TLL1: variants seen among roughly 807,000 people sequenced by gnomAD.
The protein encoded by TLL1 is tolloid-like protein 1.
TLL1 carries 49 observed loss-of-function variants against 128.2 expected under a neutral mutation model. The observed-to-expected ratio is 0.38, with a 90% CI of 0.30 to 0.48. The LOEUF (loss-of-function observed/expected upper bound fraction) is 0.48, where lower values mean the gene tolerates loss of function less well. Among genes scored for constraint, TLL1 ranks in the 20% least tolerant of loss-of-function variants. The pLI, the probability that TLL1 is intolerant of heterozygous loss-of-function variation, is 0.96. For synonymous variants in TLL1, 454 were observed against 418.8 expected (o/e 1.08, Z -1.03); for missense variants, 1,123 against 1,242.0 (o/e 0.90, Z 1.44).
intron 14 of TLL1, 55 bp downstream of exon 14, chr4:166,057,364 A>T: frequency 6.3e-7 from 1 of 1,596,752 alleles, no homozygotes; most frequent in Non-Finnish European, 8.5e-7. Flanking sequence ...TATTTCTTAT[A>T]TTCTCATTCT....
intron 1 of TLL1, among the ~76,000 whole-genome samples, chr4:165,942,939 T>C (rs564914879): frequency 2.6e-5 from 4 of 152,188 alleles, no homozygotes; most frequent in South Asian, 2.1e-4. Context: ...TTTATTTTCA[T>C]GTCAGATATT....
intron 1 of TLL1, among the ~76,000 whole-genome samples, chr4:165,936,340 C>T (rs1333569067): frequency 6.6e-6 from 1 of 151,040 alleles, no homozygotes; most frequent in Non-Finnish European, 1.5e-5. Context: ...CTGCCTCAGC[C>T]TCCCAAGTAG....
chr4:165,875,375 G>T (rs1214306984), intron 1 of TLL1, among the ~76,000 whole-genome samples: 1 of 152,098 alleles, frequency 6.6e-6, no homozygotes. Context: ...CTGACAAAAA[G>T]GGTATGTGTG....
intron 9 of TLL1, among the ~76,000 whole-genome samples, chr4:166,035,239 A>C (rs1306345524): frequency 6.6e-6 from 1 of 152,194 alleles, no homozygotes; most frequent in Non-Finnish European, 1.5e-5. Flanking sequence ...AGAATAATTC[A>C]GCTCTTGGTT....
chr4:165,939,742 G>C (rs1011744499), intron 1 of TLL1, among the ~76,000 whole-genome samples: 3 of 151,692 alleles, frequency 2.0e-5, no homozygotes. Flanking sequence ...TTAAGATAGT[G>C]TCTAGATTTT....
chr4:166,033,505 C>T (rs2111081967), intron 9 of TLL1, among the ~76,000 whole-genome samples: 1 of 152,104 alleles, frequency 6.6e-6, no homozygotes, highest in Admixed American at 6.6e-5. Context: ...AAATTACCAG[C>T]AATAAGCATA....
At chr4:166,015,948 T>C (rs1015945161) in intron 8 of TLL1, among the ~76,000 whole-genome samples, 1 of 151,998 alleles carries the variant, frequency 6.6e-6, no homozygotes, top group African/African-American at 2.4e-5. Context: ...TTTTGGAATT[T>C]AAAGCTGTAT....
chr4:165,933,723 A>G (rs562114276), intron 1 of TLL1, among the ~76,000 whole-genome samples: 2 of 152,044 alleles, frequency 1.3e-5, no homozygotes, highest in Non-Finnish European at 2.9e-5. Context: ...TTCTGACAGG[A>G]CCACACCACC....
At chr4:166,029,995 A>T (rs1241372170) in intron 9 of TLL1, among the ~76,000 whole-genome samples, 2 of 152,042 alleles carry the variant, frequency 1.3e-5, no homozygotes, top group Non-Finnish European at 2.9e-5. Flanking sequence ...AAGTATTTTG[A>T]TTATCTATCC....
At chr4:166,017,109 T>A (rs1029811127) in intron 8 of TLL1, among the ~76,000 whole-genome samples, 1 of 152,078 alleles carries the variant, frequency 6.6e-6, no homozygotes, top group African/African-American at 2.4e-5. Context: ...CCTCTAGTAG[T>A]CCATACTGTC....
At chr4:165,952,214 A>G (rs1734558639) in intron 1 of TLL1, among the ~76,000 whole-genome samples, 1 of 152,160 alleles carries the variant, frequency 6.6e-6, no homozygotes, top group African/African-American at 2.4e-5. Context: ...CTAAATCTGA[A>G]AAATACTAAA....
chr4:165,882,382 C>G (rs533326187), intron 1 of TLL1, among the ~76,000 whole-genome samples: 17 of 152,074 alleles, frequency 1.1e-4, no homozygotes, highest in Non-Finnish European at 2.1e-4. Context: ...AGAACAAAAT[C>G]TGGTAAAACA....
At chr4:165,933,397 A>G (rs977319145) in intron 1 of TLL1, among the ~76,000 whole-genome samples, 16 of 152,002 alleles carry the variant, frequency 1.1e-4, no homozygotes, top group Non-Finnish European at 1.6e-4. Context: ...ACAGTTCACT[A>G]TGGAAATCAG....
At chr4:165,879,861 T>A (rs2110808425) in intron 1 of TLL1, among the ~76,000 whole-genome samples, 1 of 152,142 alleles carries the variant, frequency 6.6e-6, no homozygotes, top group East Asian at 1.9e-4. Flanking sequence ...TAGGATTTCC[T>A]CATCCTCAGG....
At chr4:165,876,686 T>C (rs1324319415) in intron 1 of TLL1, among the ~76,000 whole-genome samples, 4 of 152,242 alleles carry the variant, frequency 2.6e-5, no homozygotes, top group African/African-American at 9.6e-5. Context: ...TGAGGTTACA[T>C]GTCTTCATTA....
chr4:166,005,042 G>A (rs575724927), intron 6 of TLL1, among the ~76,000 whole-genome samples: 1 of 152,074 alleles, frequency 6.6e-6, no homozygotes, highest in East Asian at 1.9e-4. Context: ...ACATCAAGAG[G>A]AAGAAGAGGA....
intron 1 of TLL1, among the ~76,000 whole-genome samples, chr4:165,939,014 T>C (rs1465522038): frequency 2.6e-5 from 4 of 151,086 alleles, no homozygotes; most frequent in African/African-American, 9.9e-5. Context: ...TTTTGCTTTT[T>C]TTTTTAAAGT....
At chr4:166,044,197 A>C (rs931047404) in intron 12 of TLL1, among the ~76,000 whole-genome samples, 2 of 152,144 alleles carry the variant, frequency 1.3e-5, no homozygotes, top group African/African-American at 4.8e-5. Flanking sequence ...AGGGTTAGAA[A>C]TTTAGATACA....
In TLL1 at chr4:165,874,132, C is replaced by T. The variant is rs1405188313; in HGVS notation, c.169+59C>T. 5.6e-6 allele frequency: 9 copies of T among 1,604,630 alleles called. No individual in the cohort carries two copies. In the African/African-American group the frequency reaches 1.1e-4, roughly 19 times the overall value. On this transcript the variant is annotated intron_variant, in intron 1 of 20. Transcript: ENST00000061240. ...CCGGGGGCCGCTGCGCTGGGTTTCC[C>T]ATGGGTGGCGGTGGGAGCTCACCTG...
Sources: gnomAD v4.1 joint callset for allele counts (sites outside exome capture counted in the v4.1 genomes callset) on GRCh38, gnomAD v4.1.1 for gene constraint, MANE v1.5 for transcripts, NCBI Gene and HGNC (gene_info 2026-07-23, HGNC 2026-07-21) for gene names.